DYNC1I1: variants seen among roughly 807,000 people sequenced by gnomAD.
DYNC1I1 encodes cytoplasmic dynein 1 intermediate chain 1.
A neutral mutation model predicts 86.6 loss-of-function variants in DYNC1I1; 43 were observed. That is an observed-to-expected ratio of 0.50 (90% CI 0.39 to 0.64). The LOEUF is 0.64. Among genes scored for constraint, DYNC1I1 ranks in the 30% least tolerant of loss-of-function variants. The pLI is 0.00. For missense variants in DYNC1I1, 604 were observed against 788.8 expected (o/e 0.77, Z 2.81); for synonymous variants, 262 against 283.7 (o/e 0.92, Z 0.77).
intron 6 of DYNC1I1, among the ~76,000 whole-genome samples, chr7:95,896,015 G>A (rs1341493658): frequency 3.9e-5 from 6 of 152,136 alleles, no homozygotes; most frequent in South Asian, 2.1e-4. Flanking sequence ...GAGAAGAGCC[G>A]GCAGAAGGCA....
rs78104765 is a variant in DYNC1I1 at position 95,902,247 on chromosome 7, G to C, written c.490+32249G>C. ...CAGTGGCGTGTTTTTTCCTGCTATT[G>C]AGCAGAACTGAAATAGTTAGCATGT... On this transcript the variant is annotated intron_variant, in intron 6 of 16. Coordinates refer to ENST00000447467, the MANE Select transcript of DYNC1I1 (RefSeq NM_001135556.2). Among the ~76,000 whole-genome samples the C allele has an allele frequency of 4.7e-4, 72 of 152,210 alleles. 1 individual carries two copies. In the East Asian group the frequency reaches 6.8e-3, roughly 14 times the overall value.
chr7:95,832,104 G>A (rs1398359537), intron 5 of DYNC1I1, among the ~76,000 whole-genome samples: 25 of 137,030 alleles, frequency 1.8e-4, no homozygotes, highest in Admixed American at 1.6e-3. Context: ...ATCTCCCAAT[G>A]CTATCCCTCC....
chr7:96,080,546 C>T, intron 16 of DYNC1I1, 58 bp downstream of exon 16: 7 of 1,613,680 alleles, frequency 4.3e-6, no homozygotes, highest in Non-Finnish European at 5.9e-6. Flanking sequence ...CTTTAGAAAC[C>T]TAGTGAAATT....
chr7:96,094,059 G>A (rs1790925983), intron 16 of DYNC1I1, among the ~76,000 whole-genome samples: 1 of 151,990 alleles, frequency 6.6e-6, no homozygotes, highest in South Asian at 2.1e-4. Context: ...TAAATTTTAG[G>A]CTATTCACTT....
intron 6 of DYNC1I1, among the ~76,000 whole-genome samples, chr7:95,940,167 G>A (rs1375704814): frequency 6.6e-6 from 1 of 152,130 alleles, no homozygotes; most frequent in African/African-American, 2.4e-5. Flanking sequence ...CGAGAGATCC[G>A]CTGTTAGTCT....
At chr7:95,910,265 C>A (rs1054927939) in intron 6 of DYNC1I1, among the ~76,000 whole-genome samples, 2 of 152,134 alleles carry the variant, frequency 1.3e-5, no homozygotes, top group Admixed American at 1.3e-4. Context: ...GAGCTAAAAC[C>A]CTAACTCTAG....
chr7:95,856,407 G>A (rs1584282322), intron 5 of DYNC1I1, among the ~76,000 whole-genome samples: 1 of 152,268 alleles, frequency 6.6e-6, no homozygotes, highest in East Asian at 1.9e-4. Context: ...GAAATATGTC[G>A]ATGGCCGTTT....
rs143975854 is a variant in DYNC1I1 at position 95,985,444 on chromosome 7, G to A, written c.743+467G>A. 3.3e-3 allele frequency among the ~76,000 whole-genome samples: 509 copies of A among 152,262 alleles called. 11 individuals carry two copies. Among genetic ancestry groups the A allele is most frequent in the Admixed American group, 0.027 (405 of 15,280 alleles). On this transcript the variant is annotated intron_variant, in intron 8 of 16. Coordinates refer to ENST00000447467, the MANE Select transcript of DYNC1I1 (RefSeq NM_001135556.2). ...TTTGGTATCATGAAAGTATGCATAT[G>A]TGTATATGCCTTTTAGGAAACATAT...
chr7:96,056,502 C>G (rs1320271874), intron 14 of DYNC1I1, among the ~76,000 whole-genome samples: 2 of 152,014 alleles, frequency 1.3e-5, no homozygotes, highest in African/African-American at 4.8e-5. Flanking sequence ...AAATTATTAC[C>G]AGTTTCTCTG....
intron 6 of DYNC1I1, among the ~76,000 whole-genome samples, chr7:95,963,687 A>G (rs549942604): frequency 2.0e-4 from 31 of 152,158 alleles, no homozygotes; most frequent in Non-Finnish European, 3.1e-4. Context: ...ATTGCTCACT[A>G]TTTGGAGGGA....
chr7:96,092,786 A>G (rs1790885975), intron 16 of DYNC1I1, among the ~76,000 whole-genome samples: 1 of 152,092 alleles, frequency 6.6e-6, no homozygotes, highest in South Asian at 2.1e-4. Flanking sequence ...TTTTTCCACA[A>G]CTTTTGCACT....
chr7:95,839,239 C>A (rs909857573), intron 5 of DYNC1I1, among the ~76,000 whole-genome samples: 1 of 152,092 alleles, frequency 6.6e-6, no homozygotes, highest in African/African-American at 2.4e-5. Flanking sequence ...CCATGTTGGC[C>A]GGGCTAGTCT....
Position 96,052,436 on chromosome 7 carries a change from C to A in DYNC1I1, c.1509+13015C>A, listed in dbSNP as rs574073473. Among the ~76,000 whole-genome samples the A allele has an allele frequency of 3.9e-5, 6 of 152,188 alleles. No homozygotes were observed. The South Asian group carries it at 1.2e-3, about 32-fold the overall frequency. On this transcript the variant is annotated intron_variant, in intron 14 of 16. Coordinates refer to ENST00000447467, the MANE Select transcript of DYNC1I1 (RefSeq NM_001135556.2). ...ACATGAGATAGTTAGTACTCTCTAG[C>A]TGTGTGAACCTAGAAAAGTTACTTA...
rs3138829 is a variant in DYNC1I1, at chr7:95,986,023, C to CGTGTGTGTGTGTGTGTGTGTGT, written c.744-1014_744-993dup. On this transcript the variant is annotated intron_variant, in intron 8 of 16. Transcript: ENST00000447467. ...GTATTATCCTAGGCTCCTGGCAGGACGTGTGTGTGTGTGTGTGTGTGTGTG... is the reference window on the plus strand; with the variant it reads ...GTATTATCCTAGGCTCCTGGCAGGACGTGTGTGTGTGTGTGTGTGTGTGTGTGTGTGTGTGTGTGTGTGTGTG... Among the ~76,000 whole-genome samples the CGTGTGTGTGTGTGTGTGTGTGT allele has an allele frequency of 3.7e-3, 487 of 132,718 alleles. 9 individuals are homozygous for CGTGTGTGTGTGTGTGTGTGTGT. The highest frequency in any genetic ancestry group is 0.011 in the African/African-American group (390 of 34,510). The allele number at this position is 132,718 out of a possible 152,430, so 87.1% of individuals were successfully genotyped here.
rs73397035 is a variant in DYNC1I1 at position 95,974,828 on chromosome 7, A to G, written c.491-2684A>G. ...TTTGTTCACCTCCTGAGTGTGGAAG[A>G]ACAATCCATGTTGAGGCCATGCAAG... On this transcript the variant is annotated intron_variant, in intron 6 of 16. Coordinates refer to ENST00000447467, the MANE Select transcript of DYNC1I1 (RefSeq NM_001135556.2). Among the ~76,000 whole-genome samples the G allele has an allele frequency of 8.4e-3, 1,281 of 152,286 alleles. 14 individuals carry two copies. Among genetic ancestry groups the G allele is most frequent in the South Asian group, 0.046 (223 of 4,814 alleles).
At chr7:95,890,462 A>G (rs1396106943) in intron 6 of DYNC1I1, among the ~76,000 whole-genome samples, 1 of 152,148 alleles carries the variant, frequency 6.6e-6, no homozygotes, top group Admixed American at 6.6e-5. Context: ...AAGGGAGAGG[A>G]TCAGAAAAAG....
chr7:95,853,775 ATC>A (rs1470114206), intron 5 of DYNC1I1, among the ~76,000 whole-genome samples: 3 of 152,052 alleles, frequency 2.0e-5, no homozygotes, highest in African/African-American at 7.2e-5. Context: ...ATTGCAGCCT[ATC>A]TCTCTCTTCA....
intron 1 of DYNC1I1, among the ~76,000 whole-genome samples, chr7:95,793,222 G>T (rs1463661571): frequency 6.6e-6 from 1 of 152,184 alleles, no homozygotes; most frequent in African/African-American, 2.4e-5. Flanking sequence ...ATGGATCAGA[G>T]AGGGCAAGCT....
intron 6 of DYNC1I1, among the ~76,000 whole-genome samples, chr7:95,923,822 G>T (rs1342881477): frequency 6.6e-6 from 1 of 152,034 alleles, no homozygotes; most frequent in Non-Finnish European, 1.5e-5. Flanking sequence ...TGAGTGAAAG[G>T]GAAGGTTATA....
Sources: allele counts gnomAD v4.1 joint callset (sites outside exome capture counted in the v4.1 genomes callset), GRCh38; gene constraint gnomAD v4.1.1; transcripts MANE v1.5; gene names NCBI Gene and HGNC (gene_info 2026-07-23, HGNC 2026-07-21).